Variants in ING3 observed in about 807,000 individuals in gnomAD.
The protein encoded by ING3 is inhibitor of growth family member 3, also known as inhibitor of growth protein 3.
A neutral mutation model predicts 64.8 loss-of-function variants in ING3; 6 were observed. The ratio of observed to expected loss-of-function variants is 0.09; its 90% CI spans 0.05 to 0.18. The LOEUF is 0.18. Ranked by LOEUF, ING3 falls within the 10% of genes least tolerant of loss-of-function variation. The pLI, the probability that ING3 is intolerant of heterozygous loss-of-function variation, is 1.00. For synonymous variants in ING3, 170 were observed against 173.7 expected (o/e 0.98, Z 0.17); for missense variants, 310 against 489.7 (o/e 0.63, Z 3.46).
At chr7:120,953,489 A>G (rs1201259571) in intron 3 of ING3, 85 bp downstream of exon 3, 4 of 766,610 alleles carry the variant, frequency 5.2e-6, no homozygotes, top group African/African-American at 3.6e-5. Flanking sequence ...TGGTCTGGAT[A>G]TCAAAATGAG....
chr7:120,973,725 A>T (rs1796099175), intron 11 of ING3, among the ~76,000 whole-genome samples: 1 of 152,162 alleles, frequency 6.6e-6, no homozygotes, highest in Admixed American at 6.5e-5. Context: ...GCCACCCCTG[A>T]TCTAAAAAGT....
intron 8 of ING3, 137 bp from the exon 9 acceptor site, chr7:120,968,874 T>A: frequency 4.3e-6 from 2 of 466,810 alleles, no homozygotes; most frequent in Non-Finnish European, 3.6e-6. Context: ...AAGCTTAAAT[T>A]CCAGTGATGA....
chr7:120,956,258 C>T (rs1795845603), intron 4 of ING3: 2 of 1,547,274 alleles, frequency 1.3e-6, no homozygotes, highest in Non-Finnish European at 1.7e-6. Context: ...TTTGAAACAT[C>T]TTCTCCTAAA....
intron 2 of ING3, among the ~76,000 whole-genome samples, chr7:120,952,690 CA>C (rs1161595037): frequency 7.3e-5 from 11 of 151,544 alleles, no homozygotes; most frequent in African/African-American, 2.4e-4. Context: ...TGGAAATCTC[CA>C]AAAGAAGTAT....
In ING3 at chr7:120,970,787, TCAA is replaced by T; in HGVS notation, c.1012_1014del (p.Gln338del). The T allele has an allele frequency of 1.9e-6, 3 of 1,613,992 alleles. No homozygotes were observed. The highest frequency in any genetic ancestry group is 2.5e-6 in the Non-Finnish European group (3 of 1,179,902). ...CATCAACTGTTGTACAAGAAATCTC[TCAA>T]CAAACAACTGTAGTGCCAGAATCTG... On this transcript the variant is annotated inframe_deletion, in exon 10 of 12. Transcript: ENST00000315870.
intron 4 of ING3, chr7:120,956,311 G>C (rs1293560553): frequency 5.6e-6 from 8 of 1,424,880 alleles, no homozygotes; most frequent in Non-Finnish European, 6.4e-6. Context: ...TTGCATTAAA[G>C]TAAATTAAAG....
intron 5 of ING3, among the ~76,000 whole-genome samples, chr7:120,965,248 A>G (rs1447605608): frequency 1.3e-5 from 2 of 152,158 alleles, no homozygotes; most frequent in Non-Finnish European, 2.9e-5. Flanking sequence ...CTTTTCCTTA[A>G]CTGCATATAC....
chr7:120,958,282 A>G (rs562188919), intron 4 of ING3, among the ~76,000 whole-genome samples: 13 of 150,608 alleles, frequency 8.6e-5, no homozygotes, highest in Non-Finnish European at 1.5e-4. Context: ...TGAACATTAT[A>G]TCCTTAATAT....
chr7:120,962,715 T>G (rs1795948467), intron 4 of ING3, among the ~76,000 whole-genome samples: 1 of 152,110 alleles, frequency 6.6e-6, no homozygotes, highest in Non-Finnish European at 1.5e-5. Flanking sequence ...GTCTCTACAT[T>G]TTTTATTGTG....
chr7:120,957,559 C>T (rs1453958031), intron 4 of ING3, among the ~76,000 whole-genome samples: 1 of 152,062 alleles, frequency 6.6e-6, no homozygotes, highest in Non-Finnish European at 1.5e-5. Flanking sequence ...TGCAGAGTTA[C>T]TTACTGATTT....
chr7:120,954,383 G>A (rs1056877903), intron 3 of ING3, among the ~76,000 whole-genome samples: 6 of 151,588 alleles, frequency 4.0e-5, no homozygotes, highest in Non-Finnish European at 7.4e-5. Flanking sequence ...CCTAGATCGC[G>A]CCACTGCACT....
chr7:120,967,152 C>T (rs551167164), intron 6 of ING3, among the ~76,000 whole-genome samples: 11 of 152,316 alleles, frequency 7.2e-5, no homozygotes, highest in African/African-American at 2.6e-4. Flanking sequence ...AGTTAGATGA[C>T]TGGCTGGCTG....
At chr7:120,966,765 T>A (rs1796001913) in intron 6 of ING3, 68 bp downstream of exon 6, 2 of 1,130,078 alleles carry the variant, frequency 1.8e-6, no homozygotes, top group Non-Finnish European at 2.7e-6. Flanking sequence ...CTATATGTTC[T>A]CTTTTTTTAA....
chr7:120,969,350 T>A, intron 9 of ING3, 146 bp downstream of exon 9: 1 of 473,558 alleles, frequency 2.1e-6, no homozygotes, highest in Non-Finnish European at 3.6e-6. Context: ...GTTTTCATTT[T>A]ATAGTGCCAT....
chr7:120,974,474 G>A (rs1019229216), intron 11 of ING3, among the ~76,000 whole-genome samples: 2 of 152,048 alleles, frequency 1.3e-5, no homozygotes, highest in Admixed American at 6.6e-5. Context: ...TCATTCATTA[G>A]GATGAGGGGA....
intron 4 of ING3, among the ~76,000 whole-genome samples, chr7:120,958,697 C>T (rs907686642): frequency 1.3e-5 from 2 of 152,246 alleles, no homozygotes; most frequent in Non-Finnish European, 2.9e-5. Context: ...CTTATGCCTT[C>T]TCTTTTTCAT....
At chr7:120,956,772 A>G in intron 4 of ING3, 9 of 975,606 alleles carry the variant, frequency 9.2e-6, no homozygotes, top group Non-Finnish European at 1.1e-5. Flanking sequence ...AATCTAGACT[A>G]ATTTGTTTAG....
chr7:120,968,865 AGC>A, intron 8 of ING3, 144 bp from the exon 9 acceptor site: 1 of 481,860 alleles, frequency 2.1e-6, no homozygotes, highest in South Asian at 3.9e-5. Context: ...AAAAAAAAAA[AGC>A]TTAAATTCCA....
At chr7:120,972,700 A>G (rs1348140257) in intron 10 of ING3, among the ~76,000 whole-genome samples, 4 of 152,146 alleles carry the variant, frequency 2.6e-5, no homozygotes, top group South Asian at 2.1e-4. Flanking sequence ...AAATTATTCA[A>G]TCCACTGAGA....
Sources: allele counts gnomAD v4.1 joint callset (sites outside exome capture counted in the v4.1 genomes callset), GRCh38; gene constraint gnomAD v4.1.1; transcripts MANE v1.5; gene names NCBI Gene and HGNC (gene_info 2026-07-23, HGNC 2026-07-21).